ANXA8: variants seen among roughly 807,000 people sequenced by gnomAD.
The protein encoded by ANXA8 is annexin A8, also known as VAC-beta.
Under a neutral mutation model 26.8 loss-of-function variants are expected in ANXA8, and 9 were observed. The observed-to-expected ratio is 0.34, with a 90% confidence interval of 0.20 to 0.59. ANXA8 has a LOEUF of 0.59. Among genes scored for constraint, ANXA8 ranks in the 20% least tolerant of loss-of-function variants. The pLI is 0.84. For synonymous variants in ANXA8, 39 were observed against 94.8 expected (o/e 0.41, Z 3.42); for missense variants, 83 against 238.5 (o/e 0.35, Z 4.29).
the ANXA8 span, among the ~76,000 whole-genome samples, chr10:47,605,868 T>C: frequency 1.4e-5 from 2 of 144,360 alleles, no homozygotes; most frequent in South Asian, 2.1e-4. Context: ...ATTATCAACT[T>C]ACTTTTGAAT....
At chr10:47,624,242 CAAAA>C in the ANXA8 span, among the ~76,000 whole-genome samples, 1,116 of 28,756 alleles carry the variant, frequency 0.039, 30 homozygotes, top group African/African-American at 0.16. Context: ...GACTCCATCT[CAAAA>C]AAAAAAAAAA....
the ANXA8 span, among the ~76,000 whole-genome samples, chr10:47,528,577 A>C: frequency 6.6e-6 from 1 of 151,952 alleles, no homozygotes; most frequent in East Asian, 1.9e-4. Context: ...ATATCAACAA[A>C]GTGAAAGATG....
chr10:47,565,936 G>A, the ANXA8 span: 2 of 1,492,876 alleles, frequency 1.3e-6, no homozygotes, highest in East Asian at 5.6e-5. Flanking sequence ...GCATGGTGGA[G>A]GGGCGCGCGC....
the ANXA8 span, among the ~76,000 whole-genome samples, chr10:47,779,225 G>A: frequency 8.9e-6 from 1 of 111,830 alleles, no homozygotes; most frequent in African/African-American, 3.7e-5. Flanking sequence ...TCTGGGTCAT[G>A]TAGGACTCTG....
At chr10:47,694,713 C>T in the ANXA8 span, among the ~76,000 whole-genome samples, 1 of 151,858 alleles carries the variant, frequency 6.6e-6, no homozygotes, top group African/African-American at 2.4e-5. Context: ...GCCACCGCGC[C>T]CGGCCCATAC....
At chr10:47,587,326 AT>A in the ANXA8 span, among the ~76,000 whole-genome samples, 10 of 148,986 alleles carry the variant, frequency 6.7e-5, no homozygotes, top group East Asian at 1.9e-3. Flanking sequence ...AAACTAACTC[AT>A]TTTATAGATG....
the ANXA8 span, among the ~76,000 whole-genome samples, chr10:47,982,804 A>ATATATATATATATG: frequency 2.7e-5 from 1 of 37,542 alleles, no homozygotes; most frequent in Non-Finnish European, 5.9e-5. Context: ...TGCAAATCAT[A>ATATATATATATATG]TATATATATA....
chr10:47,626,500 T>G, the ANXA8 span, among the ~76,000 whole-genome samples: 7 of 150,118 alleles, frequency 4.7e-5, no homozygotes, highest in African/African-American at 1.8e-4. Context: ...TACAAAATCT[T>G]TCTTCTTAAG....
At chr10:47,580,510 C>A in the ANXA8 span, among the ~76,000 whole-genome samples, 22 of 150,966 alleles carry the variant, frequency 1.5e-4, no homozygotes, top group African/African-American at 4.9e-4. Context: ...CTGAGACAGG[C>A]GGATCACTTG....
the ANXA8 span, among the ~76,000 whole-genome samples, chr10:47,954,552 T>C: frequency 8.6e-5 from 13 of 151,380 alleles, no homozygotes; most frequent in African/African-American, 3.2e-4. Flanking sequence ...CGTGTATAAT[T>C]GGAATTTTTG....
chr10:47,577,916 G>A, the ANXA8 span, among the ~76,000 whole-genome samples: 1 of 36,978 alleles, frequency 2.7e-5, no homozygotes, highest in African/African-American at 8.9e-5. Flanking sequence ...CAGGAGAATT[G>A]CTTGAACCTG....
upstream of ANXA8, among the ~76,000 whole-genome samples, chr10:47,486,384 T>C (rs1481542731): frequency 0.02 from 2,831 of 141,122 alleles, 214 homozygotes; most frequent in African/African-American, 0.066. Context: ...CACCTGAAAG[T>C]TGTATATAGT....
the ANXA8 span, among the ~76,000 whole-genome samples, chr10:47,684,166 T>C: frequency 3.9e-5 from 6 of 152,096 alleles, no homozygotes; most frequent in African/African-American, 1.4e-4. Flanking sequence ...TAATGACCTT[T>C]AACCCTCTGA....
chr10:47,494,364 C>G, the ANXA8 span, among the ~76,000 whole-genome samples: 1 of 123,904 alleles, frequency 8.1e-6, no homozygotes, highest in African/African-American at 3.9e-5. Flanking sequence ...CAGATAAATT[C>G]TCAAGGTGGA....
At chr10:47,502,992 G>A in the ANXA8 span, 41 of 1,562,054 alleles carry the variant, frequency 2.6e-5, 5 homozygotes, top group African/African-American at 7.8e-5. Flanking sequence ...TGGAGATACC[G>A]GGGCTGAAGC....
chr10:47,962,478 C>G, the ANXA8 span, among the ~76,000 whole-genome samples: 1 of 148,272 alleles, frequency 6.7e-6, no homozygotes, highest in African/African-American at 2.4e-5. Context: ...AGTAAACTGT[C>G]GTCATTGCAA....
chr10:47,507,875 G>A, the ANXA8 span, among the ~76,000 whole-genome samples: 43 of 100,194 alleles, frequency 4.3e-4, 2 homozygotes, highest in African/African-American at 1.3e-3. Context: ...GAAACCTTTC[G>A]TCCCATGCGA....
chr10:47,981,132 G>A, the ANXA8 span, among the ~76,000 whole-genome samples: 111 of 151,728 alleles, frequency 7.3e-4, 4 homozygotes, highest in Non-Finnish European at 7.1e-4. Context: ...TTTCAGGAAT[G>A]CAAAGTTGGT....
the ANXA8 span, among the ~76,000 whole-genome samples, chr10:47,546,439 G>A: frequency 2.2e-5 from 2 of 90,472 alleles, no homozygotes; most frequent in Non-Finnish European, 3.9e-5. Flanking sequence ...GTCTCGCTCT[G>A]TTGCCCAGGC....
Sources: allele counts gnomAD v4.1 joint callset (sites outside exome capture counted in the v4.1 genomes callset), GRCh38; gene constraint gnomAD v4.1.1; transcripts MANE v1.5; gene names NCBI Gene and HGNC (gene_info 2026-07-23, HGNC 2026-07-21).